EEA1: variants seen among roughly 807,000 people sequenced by gnomAD.
The protein encoded by EEA1 is early endosome antigen 1, 162kD.
A neutral mutation model predicts 209.2 loss-of-function variants in EEA1; 111 were observed. That is an observed-to-expected ratio of 0.53 (90% confidence interval 0.45 to 0.62). The LOEUF is 0.62. EEA1 is among the 20% of genes least tolerant of loss of function. The pLI, the probability that EEA1 is intolerant of heterozygous loss-of-function variation, is 0.00. For synonymous variants in EEA1, 536 were observed against 540.6 expected, an observed-to-expected ratio of 0.99 and a Z score of 0.12; for missense variants, 1,343 against 1,530.8, an observed-to-expected ratio of 0.88 and a Z score of 2.05.
intron 18 of EEA1, among the ~76,000 whole-genome samples, chr12:92,803,803 A>C (rs771082671): frequency 1.3e-5 from 2 of 152,146 alleles, no homozygotes; most frequent in African/African-American, 2.4e-5. Flanking sequence ...TCATTATACT[A>C]ATATTATTTT....
chr12:92,909,945 C>T (rs1381498589), intron 1 of EEA1, among the ~76,000 whole-genome samples: 1 of 151,550 alleles, frequency 6.6e-6, no homozygotes, highest in African/African-American at 2.4e-5. Context: ...GAGTTTGAGA[C>T]CAGCCTGGTC....
intron 1 of EEA1, among the ~76,000 whole-genome samples, chr12:92,914,731 T>A (rs1880705014): frequency 6.6e-6 from 1 of 151,656 alleles, no homozygotes; most frequent in Non-Finnish European, 1.5e-5. Context: ...TGATGTGAGC[T>A]CAGCTCACTG....
intron 1 of EEA1, among the ~76,000 whole-genome samples, chr12:92,910,766 A>C (rs1372674284): frequency 2.0e-5 from 3 of 152,342 alleles, no homozygotes; most frequent in Non-Finnish European, 1.5e-5. Flanking sequence ...ATATACAAAC[A>C]ACTCTTTAAA....
chr12:92,806,085 T>C (rs1875187550), intron 18 of EEA1, among the ~76,000 whole-genome samples: 2 of 151,524 alleles, frequency 1.3e-5, no homozygotes, highest in South Asian at 4.2e-4. Flanking sequence ...AAGAAACAGA[T>C]ACTACAAAAT....
intron 3 of EEA1, among the ~76,000 whole-genome samples, chr12:92,862,457 A>C (rs893120624): frequency 6.6e-6 from 1 of 152,080 alleles, no homozygotes; most frequent in Non-Finnish European, 1.5e-5. Flanking sequence ...TTAGCCAGGC[A>C]TGTTGGTCCA....
At chr12:92,811,206 T>A in intron 17 of EEA1, 73 bp downstream of exon 17, 2 of 1,051,072 alleles carry the variant, frequency 1.9e-6, no homozygotes, top group Non-Finnish European at 2.5e-6. Context: ...AATCTTTGAT[T>A]CCATGTAGGT....
At chr12:92,917,571 C>A (rs1400757897) in intron 1 of EEA1, among the ~76,000 whole-genome samples, 2 of 151,680 alleles carry the variant, frequency 1.3e-5, no homozygotes, top group African/African-American at 4.8e-5. Context: ...ACCAGACCTG[C>A]CCTAAAAGAG....
rs2136646358 is a variant in EEA1 at position 92,777,582 on chromosome 12, T to C, written c.3975A>G (p.Ala1325=). 8 of 1,612,444 alleles carry C rather than the reference T, an allele frequency of 5.0e-6. No individual in the cohort carries two copies. The highest frequency in any genetic ancestry group is 6.8e-6 in the Non-Finnish European group (8 of 1,178,856). ...TTTCTCTGCCCAGCTCCTGCACTGC[T>C]GCAGTTGTATTATCCAGCTTTCTTT... ...ELQRKLDNTT[A]AVQELGRENQ... The change falls in exon 27 of 29, where the codon GCA becomes GCG. Residue 1325 remains alanine (A), a synonymous_variant. Transcript: ENST00000322349.
At chr12:92,776,975 T>C in intron 27 of EEA1, 33 bp from the exon 28 acceptor site, 26 of 1,589,440 alleles carry the variant, frequency 1.6e-5, no homozygotes, top group Non-Finnish European at 2.2e-5. Flanking sequence ...TATATTATAG[T>C]ATTCAACATT....
At position 92,873,060 on chromosome 12, in the gene EEA1, T is replaced by C. The variant is rs1878723074; in HGVS notation, c.118-8073A>G. Among the ~76,000 whole-genome samples the C allele has an allele frequency of 2.0e-5, 3 of 152,062 alleles. No individual in the cohort carries two copies. In the South Asian group the frequency reaches 6.2e-4, roughly 32 times the overall value. ...GCATGAAATGTTATAACATCATGAG[T>C]GTCAGTGTCAAAAATAGATGTGGAC... On this transcript the variant is annotated intron_variant, in intron 2 of 28. Coordinates refer to ENST00000322349, the MANE Select transcript of EEA1 (RefSeq NM_003566.4).
intron 9 of EEA1, among the ~76,000 whole-genome samples, chr12:92,844,324 T>C (rs1312258247): frequency 2.0e-5 from 3 of 152,158 alleles, no homozygotes; most frequent in African/African-American, 4.8e-5. Context: ...GATATGTGCA[T>C]GGCCTGACCT....
chr12:92,778,203 G>A (rs1415747509), intron 25 of EEA1, 24 bp from the exon 26 acceptor site: 2 of 1,574,494 alleles, frequency 1.3e-6, no homozygotes, highest in East Asian at 2.2e-5. Flanking sequence ...AAAGTTGGGG[G>A]GAAATCTATT....
chr12:92,874,501 G>C, intron 2 of EEA1, among the ~76,000 whole-genome samples: 1 of 152,202 alleles, frequency 6.6e-6, no homozygotes, highest in East Asian at 1.9e-4. Flanking sequence ...GAGTAGCTGG[G>C]ATTACAGGCG....
chr12:92,789,110 T>TGAAACCCC (rs1202394322), intron 21 of EEA1, among the ~76,000 whole-genome samples: 1 of 151,448 alleles, frequency 6.6e-6, no homozygotes, highest in East Asian at 1.9e-4. Context: ...ACCAACATGG[T>TGAAACCCC]GAAACCCCGC....
At chr12:92,913,391 T>TC (rs548077084) in intron 1 of EEA1, among the ~76,000 whole-genome samples, 6 of 152,238 alleles carry the variant, frequency 3.9e-5, no homozygotes, top group Non-Finnish European at 7.3e-5. Context: ...CTGATGGACT[T>TC]GTTTTTTTCT....
intron 15 of EEA1, among the ~76,000 whole-genome samples, chr12:92,815,333 T>G (rs972421490): frequency 6.6e-6 from 1 of 152,156 alleles, no homozygotes; most frequent in African/African-American, 2.4e-5. Flanking sequence ...CCTAATATAT[T>G]AGTTCATTCA....
At chr12:92,858,622 T>A in intron 3 of EEA1, 1 of 735,606 alleles carries the variant, frequency 1.4e-6, no homozygotes, top group East Asian at 2.5e-5. Context: ...ATGCCCTGAT[T>A]CTACAACTCA....
At chr12:92,797,779 T>C (rs1874724005) in intron 21 of EEA1, among the ~76,000 whole-genome samples, 1 of 152,194 alleles carries the variant, frequency 6.6e-6, no homozygotes, top group Admixed American at 6.5e-5. Flanking sequence ...CACATTTGTC[T>C]ACTCTTGGTT....
intron 9 of EEA1, among the ~76,000 whole-genome samples, chr12:92,850,606 C>T (rs1189952985): frequency 5.1e-5 from 7 of 138,216 alleles, no homozygotes; most frequent in African/African-American, 1.6e-4. Context: ...AGAAGAATCA[C>T]TTGAACCCGG....
Sources: allele counts gnomAD v4.1 joint callset (sites outside exome capture counted in the v4.1 genomes callset), GRCh38; gene constraint gnomAD v4.1.1; transcripts MANE v1.5; gene names NCBI Gene and HGNC (gene_info 2026-07-23, HGNC 2026-07-21).